The following ZBTB16 variants were observed in gnomAD, a reference collection of about 807,000 sequenced individuals.
ZBTB16 encodes zinc finger and BTB domain-containing protein 16.
ZBTB16 carries 8 observed loss-of-function variants against 56.8 expected under a neutral mutation model. That is an observed-to-expected ratio of 0.14 (90% CI 0.08 to 0.25). The LOEUF (loss-of-function observed/expected upper bound fraction) is 0.25, where lower values mean the gene tolerates loss of function less well. ZBTB16 is among the 10% of genes least tolerant of loss of function. The pLI, the probability that ZBTB16 is intolerant of heterozygous loss-of-function variation, is 1.00. For synonymous variants in ZBTB16, 363 were observed against 368.5 expected, an observed-to-expected ratio of 0.98 and a Z score of 0.17; for missense variants, 625 against 903.0, an observed-to-expected ratio of 0.69 and a Z score of 3.95.
intron 2 of ZBTB16, among the ~76,000 whole-genome samples, chr11:114,098,412 T>TA: frequency 6.6e-6 from 1 of 152,144 alleles, no homozygotes; most frequent in East Asian, 1.9e-4. Context: ...ATTTTAAACT[T>TA]ACAACCTTTA....
intron 4 of ZBTB16, among the ~76,000 whole-genome samples, chr11:114,208,371 A>G (rs1406200567): frequency 1.3e-5 from 2 of 152,154 alleles, no homozygotes; most frequent in Admixed American, 1.3e-4. Context: ...TTGCCAGGTG[A>G]AGGACCTTGG....
intron 4 of ZBTB16, among the ~76,000 whole-genome samples, chr11:114,202,267 T>G (rs1333307667): frequency 2.0e-5 from 3 of 151,988 alleles, no homozygotes; most frequent in Non-Finnish European, 4.4e-5. Context: ...GAAGTGGGAG[T>G]GACTCCCCAT....
chr11:114,226,410 A>C (rs1297483108), intron 4 of ZBTB16, among the ~76,000 whole-genome samples: 2 of 152,190 alleles, frequency 1.3e-5, no homozygotes, highest in Non-Finnish European at 2.9e-5. Context: ...GGTTGGCCTG[A>C]GAGAGTCAGC....
chr11:114,234,407 T>C (rs572738139), intron 4 of ZBTB16, among the ~76,000 whole-genome samples: 1 of 152,342 alleles, frequency 6.6e-6, no homozygotes, highest in African/African-American at 2.4e-5. Flanking sequence ...TTGTGTATTC[T>C]ACCCCAGTAA....
chr11:114,092,287 G>C (rs1940220996), intron 2 of ZBTB16, among the ~76,000 whole-genome samples: 1 of 152,208 alleles, frequency 6.6e-6, no homozygotes. Flanking sequence ...TTTGGCTTAG[G>C]GGAGAAGCGA....
intron 2 of ZBTB16, among the ~76,000 whole-genome samples, chr11:114,124,188 C>T (rs1334177581): frequency 6.6e-6 from 1 of 152,040 alleles, no homozygotes; most frequent in Non-Finnish European, 1.5e-5. Flanking sequence ...TGATGCGAGG[C>T]CCTCATTGCG....
rs780935231 is a variant in ZBTB16 at position 114,063,677 on chromosome 11, A to C, written c.377A>C (p.Gln126Pro). 6.2e-7 allele frequency: 1 copy of C among 1,614,076 alleles called. No homozygotes were observed. The highest frequency in any genetic ancestry group is 8.5e-7 in the Non-Finnish European group (1 of 1,180,030). The part of the protein sequence containing the change: ...EQCLKMLETI[Q>P]ASDDNDTEAT... ...TGCCTGAAGATGCTGGAGACCATCC[A>C]GGCCTCAGACGACAATGACACGGAG... is the stretch of plus-strand genomic sequence containing the variant. Residue 126 changes from glutamine to proline, a missense_variant, in exon 2 of 7, where the codon CAG (glutamine) becomes CCG (proline). By Grantham distance (76) the Gln-to-Pro change is moderately conservative. Transcript: ENST00000335953. The surrounding 1 kb of genome is among the most constrained non-coding windows in gnomAD (Gnocchi z 6.5).
chr11:114,209,509 G>A (rs1427085634), intron 4 of ZBTB16: 1 of 985,252 alleles, frequency 1.0e-6, no homozygotes, highest in Non-Finnish European at 1.2e-6. Flanking sequence ...GCTCCAGAAA[G>A]CCATTGTGCT....
In ZBTB16 at chr11:114,254,242, C is replaced by A. The variant is rs1332932511; in HGVS notation, c.*3687C>A. Among the ~76,000 whole-genome samples, 1 of 151,810 alleles carries A rather than the reference C, an allele frequency of 6.6e-6. No homozygotes were observed. The highest frequency in any genetic ancestry group is 1.5e-5 in the Non-Finnish European group (1 of 68,006). On this transcript the variant is annotated 3_prime_UTR_variant, in exon 7 of 7. Coordinates refer to ENST00000335953, the MANE Select transcript of ZBTB16 (RefSeq NM_006006.6). Reference sequence around the variant, plus strand: ...TAGTAAATATCATTGCTGCTTTGGGCTGCTTTGGAGGAGGAGGCCATGAAT... The same window carrying A: ...TAGTAAATATCATTGCTGCTTTGGGATGCTTTGGAGGAGGAGGCCATGAAT...
chr11:114,232,015 G>C (rs1325967768), intron 4 of ZBTB16, among the ~76,000 whole-genome samples: 1 of 152,162 alleles, frequency 6.6e-6, no homozygotes, highest in Non-Finnish European at 1.5e-5. Flanking sequence ...TCTTGTTCCT[G>C]TTCAGTTGGG....
chr11:114,190,833 G>A (rs1360403212), intron 4 of ZBTB16, among the ~76,000 whole-genome samples: 2 of 151,986 alleles, frequency 1.3e-5, no homozygotes, highest in African/African-American at 4.8e-5. Flanking sequence ...TTCTTGCATT[G>A]CTGTAAAGAA....
At chr11:114,239,390 G>C (rs535825630) in intron 4 of ZBTB16, among the ~76,000 whole-genome samples, 1 of 152,196 alleles carries the variant, frequency 6.6e-6, no homozygotes, top group African/African-American at 2.4e-5. Context: ...GGCTTAATTT[G>C]GGCTCTCTGT....
chr11:114,068,563 C>G (rs769735970), intron 2 of ZBTB16, among the ~76,000 whole-genome samples: 15 of 152,302 alleles, frequency 9.8e-5, no homozygotes, highest in Non-Finnish European at 1.5e-4. Context: ...ATGGGACTGA[C>G]TTACCTAAAC....
At chr11:114,114,246 A>C (rs1000836662) in intron 2 of ZBTB16, among the ~76,000 whole-genome samples, 19 of 152,250 alleles carry the variant, frequency 1.2e-4, no homozygotes, top group Non-Finnish European at 2.9e-5. Context: ...GAAAGACAGA[A>C]TAATGGATGA....
intron 2 of ZBTB16, among the ~76,000 whole-genome samples, chr11:114,141,979 G>A (rs559005327): frequency 3.9e-5 from 6 of 152,318 alleles, no homozygotes; most frequent in South Asian, 4.1e-4. Flanking sequence ...TGGTATTACA[G>A]TTATCACTTT....
chr11:114,241,912 G>A (rs1285420047), intron 4 of ZBTB16, among the ~76,000 whole-genome samples: 1 of 152,082 alleles, frequency 6.6e-6, no homozygotes, highest in Non-Finnish European at 1.5e-5. Flanking sequence ...CACTACCCTT[G>A]CTGCTGCGAT....
chr11:114,167,250 T>C, intron 3 of ZBTB16, among the ~76,000 whole-genome samples: 1 of 142,472 alleles, frequency 7.0e-6, no homozygotes, highest in Admixed American at 7.1e-5. Context: ...TTTTTTTTTT[T>C]TTTGACAAGC....
intron 4 of ZBTB16, among the ~76,000 whole-genome samples, chr11:114,190,005 A>G (rs1401164843): frequency 6.6e-6 from 1 of 152,226 alleles, no homozygotes; most frequent in Non-Finnish European, 1.5e-5. Flanking sequence ...TTAAAAAGGA[A>G]TGAAGTACTG....
chr11:114,148,445 C>CTTTCTTTCTTTCTT (rs1555143959), intron 2 of ZBTB16, among the ~76,000 whole-genome samples: 14 of 56,922 alleles, frequency 2.5e-4, no homozygotes, highest in Admixed American at 1.0e-3. Flanking sequence ...CTTTCTCTCT[C>CTTTCTTTCTTTCTT]TCTGTCTGTC....
Sources: gnomAD v4.1 joint callset for allele counts (sites outside exome capture counted in the v4.1 genomes callset) on GRCh38, gnomAD v4.1.1 for gene constraint, Gnocchi (gnomAD v3.1) non-coding constraint, MANE v1.5 for transcripts, NCBI Gene and HGNC (gene_info 2026-07-23, HGNC 2026-07-21) for gene names.